Variants in SCAMP4 observed in about 807,000 individuals in gnomAD.
SCAMP4 encodes secretory carrier-associated membrane protein 4.
SCAMP4 carries 19 observed loss-of-function variants against 32.1 expected under a neutral mutation model. That is an observed-to-expected ratio of 0.59 (90% confidence interval 0.41 to 0.87). The LOEUF (loss-of-function observed/expected upper bound fraction) is 0.87, where lower values mean the gene tolerates loss of function less well. Among genes scored for constraint, SCAMP4 ranks in the 40% least tolerant of loss-of-function variants. The pLI is 0.00. For synonymous variants in SCAMP4, 152 were observed against 132.7 expected (o/e 1.15, Z -1.00); for missense variants, 302 against 309.0 (o/e 0.98, Z 0.17).
chr19:1,908,381 C>T lies in SCAMP4; in HGVS notation c.-42+2942C>T, dbSNP rs940992299. 4 of 406,878 alleles carry T rather than the reference C, an allele frequency of 9.8e-6. No individual in the cohort carries two copies. Among genetic ancestry groups the T allele is most frequent in the Non-Finnish European group, 2.0e-5 (4 of 196,242 alleles). 25.2% of individuals were successfully genotyped at this position (406,878 alleles called of 1,614,324 possible). A position where few individuals can be genotyped will look rare whatever the true frequency, so the allele number is the denominator to read the frequency against. ...GTTCCACTGGCTGCTGGTCCCCCAT[C>T]TGTGGGGCGCCCCGGCGGCTGAGGC... On this transcript the variant is annotated intron_variant, in intron 1 of 6. Coordinates refer to ENST00000316097, the MANE Select transcript of SCAMP4 (RefSeq NM_079834.4). The surrounding 1 kb of genome is among the most constrained non-coding windows in gnomAD (Gnocchi z 4.2).
chr19:1,915,267 C>T (rs747455442), intron 2 of SCAMP4, among the ~76,000 whole-genome samples: 15 of 152,204 alleles, frequency 9.9e-5, no homozygotes, highest in African/African-American at 3.1e-4. Context: ...ACAGCCCAGC[C>T]GGGTGCCCCT....
At chr19:1,915,188 G>A (rs1485858281) in intron 2 of SCAMP4, among the ~76,000 whole-genome samples, 162 bp downstream of exon 2, 4 of 152,196 alleles carry the variant, frequency 2.6e-5, no homozygotes, top group Non-Finnish European at 2.9e-5. Flanking sequence ...CTGGAGTCAC[G>A]CCTCTGCTGG....
intron 1 of SCAMP4, chr19:1,906,375 A>G (rs1847391590): frequency 6.6e-6 from 1 of 152,082 alleles, no homozygotes; most frequent in Non-Finnish European, 1.5e-5. Flanking sequence ...AAAAGAAAAA[A>G]AGATTTTTTT....
Position 1,905,415 on chromosome 19 carries a change from C to T in SCAMP4, c.-66C>T. ...CCGGTTGCTAAGACTTGGCGAAGCGCTGCGCTCGCGCCCGGATCCCTCAGG... is the reference window on the plus strand; with the variant it reads ...CCGGTTGCTAAGACTTGGCGAAGCGTTGCGCTCGCGCCCGGATCCCTCAGG... On this transcript the variant is annotated 5_prime_UTR_variant, in exon 1 of 7. Transcript: ENST00000316097. 1 of 463,732 alleles carries T rather than the reference C, an allele frequency of 2.2e-6. No homozygotes were observed. The highest frequency in any genetic ancestry group is 1.6e-5 in the South Asian group (1 of 63,238). 28.7% of individuals were successfully genotyped at this position (463,732 alleles called of 1,614,324 possible). A position where few individuals can be genotyped will look rare whatever the true frequency, so the allele number is the denominator to read the frequency against.
intron 5 of SCAMP4, chr19:1,921,456 C>G: frequency 1.0e-6 from 1 of 985,394 alleles, no homozygotes; most frequent in Non-Finnish European, 1.2e-6. Context: ...AGCAGGGGCC[C>G]CCGGTGGGCC....
rs1440006089 is a variant in SCAMP4, at chr19:1,922,298, C to T, written c.396-772C>T. ...ATTTTGAGACAGAATCTTGCTCTGTCCCCCAGGCTGGAGAGCAACGGCACG... is the reference window on the plus strand; with the variant it reads ...ATTTTGAGACAGAATCTTGCTCTGTTCCCCAGGCTGGAGAGCAACGGCACG... On this transcript the variant is annotated intron_variant, in intron 5 of 6. Coordinates refer to ENST00000316097, the MANE Select transcript of SCAMP4 (RefSeq NM_079834.4). 5.2e-6 allele frequency: 5 copies of T among 970,434 alleles called. No homozygotes were observed. The South Asian group carries it at 2.4e-4, about 46-fold the overall frequency. The allele number at this position is 970,434 out of a possible 1,614,324, so 60.1% of individuals were successfully genotyped here. A position where few individuals can be genotyped will look rare whatever the true frequency, so the allele number is the denominator to read the frequency against.
chr19:1,918,884 C>G lies in SCAMP4; in HGVS notation c.294-5C>G. On this transcript the variant is annotated splice_region_variant and splice_polypyrimidine_tract_variant and intron_variant, in intron 4 of 6. Coordinates refer to ENST00000316097, the MANE Select transcript of SCAMP4 (RefSeq NM_079834.4). ...GTAACCGTCGTGTTTTCTGTCCCTC[C>G]CCAGAGCCGACAGCTCCTTTAATTT... 6.2e-7 allele frequency: 1 copy of G among 1,600,780 alleles called. No individual in the cohort carries two copies. Among genetic ancestry groups the G allele is most frequent in the Non-Finnish European group, 8.5e-7 (1 of 1,173,688 alleles).
chr19:1,912,225 C>G, intron 1 of SCAMP4: 2 of 1,595,306 alleles, frequency 1.3e-6, no homozygotes, highest in Non-Finnish European at 1.7e-6. Flanking sequence ...GGAGCTGGTG[C>G]TGGCCTACGC....
intron 5 of SCAMP4, 186 bp downstream of exon 5, chr19:1,919,176 C>G: frequency 7.0e-7 from 1 of 1,428,870 alleles, no homozygotes. Context: ...CTCGCCAGCA[C>G]CCAGCCATGG....
intron 5 of SCAMP4, 62 bp downstream of exon 5, chr19:1,919,052 T>C: frequency 1.9e-6 from 3 of 1,559,818 alleles, no homozygotes; most frequent in Non-Finnish European, 2.6e-6. Flanking sequence ...GTTGTGGGCC[T>C]GCTGGGAAGC....
chr19:1,921,651 A>G (rs2013924404), intron 5 of SCAMP4: 1 of 985,272 alleles, frequency 1.0e-6, no homozygotes, highest in Admixed American at 6.1e-5. Context: ...TCATAAATCT[A>G]AAATTACATC....
In SCAMP4 at chr19:1,915,040, G is replaced by C. The variant is rs762590606; in HGVS notation, c.7+14G>C. ...CAGAGATGTCAGGTGAGTCCTGCCT[G>C]CCTGGGAGCCTCCAGCAGCGTGGGC... On this transcript the variant is annotated intron_variant, in intron 2 of 6. Transcript: ENST00000316097. The C allele has an allele frequency of 5.6e-6, 9 of 1,613,812 alleles. No individual in the cohort carries two copies. The highest frequency in any genetic ancestry group is 7.6e-6 in the Non-Finnish European group (9 of 1,179,812).
chr19:1,924,397 T>G lies in SCAMP4; in HGVS notation c.*113T>G. ...GGCCCCATCCCCCCAGCTGGGATGG[T>G]GGAAGCCGGTGGTGGCCACGGACCG... On this transcript the variant is annotated 3_prime_UTR_variant, in exon 7 of 7. Coordinates refer to ENST00000316097, the MANE Select transcript of SCAMP4 (RefSeq NM_079834.4). 2.2e-6 allele frequency: 2 copies of G among 921,096 alleles called. No individual in the cohort carries two copies. Among genetic ancestry groups the G allele is most frequent in the Non-Finnish European group, 3.3e-6 (2 of 611,896 alleles). The allele number at this position is 921,096 out of a possible 1,614,324, so 57.1% of individuals were successfully genotyped here.
At chr19:1,912,609 G>T (rs2013528895) in intron 1 of SCAMP4, 1 of 1,476,916 alleles carries the variant, frequency 6.8e-7, no homozygotes, top group Admixed American at 2.4e-5. Flanking sequence ...GGAGCGCGCC[G>T]CCATGCAGAG....
intron 1 of SCAMP4, among the ~76,000 whole-genome samples, chr19:1,914,238 T>C (rs999148866): frequency 4.6e-5 from 7 of 152,144 alleles, no homozygotes; most frequent in African/African-American, 1.7e-4. Context: ...GAAGATGTCC[T>C]GTCCCAAGAG....
rs200769074 is a variant in SCAMP4 at position 1,924,169 on chromosome 19, C to T, written c.575C>T (p.Thr192Met). The T allele has an allele frequency of 8.9e-5, 144 of 1,611,882 alleles. No individual in the cohort carries two copies. The African/African-American group carries it at 1.1e-3, about 13-fold the overall frequency. Reference sequence around the variant, plus strand: ...CAGAAGGCACAGACGGAGTGGAACACGGGCACTTGGCGGAACCCACCGTCG... The same window carrying T: ...CAGAAGGCACAGACGGAGTGGAACATGGGCACTTGGCGGAACCCACCGTCG... ...SFQKAQTEWN[T>M]GTWRNPPSRE... The change falls in exon 7 of 7, where the codon ACG becomes ATG. Residue 192 changes from threonine (T) to methionine (M), a missense_variant. Transcript: ENST00000316097.
chr19:1,913,001 C>A, intron 1 of SCAMP4: 1 of 1,608,088 alleles, frequency 6.2e-7, no homozygotes, highest in East Asian at 2.2e-5. Context: ...TGCACGCACG[C>A]ATCCTGCGCG....
intron 1 of SCAMP4, chr19:1,912,710 C>A: frequency 6.6e-7 from 1 of 1,508,364 alleles, no homozygotes; most frequent in Admixed American, 2.1e-5. Flanking sequence ...CGGCCTCGGA[C>A]CGCGTGCTGG....
At chr19:1,915,085 T>C in intron 2 of SCAMP4, 59 bp downstream of exon 2, 1 of 1,606,430 alleles carries the variant, frequency 6.2e-7, no homozygotes, top group Non-Finnish European at 8.5e-7. Context: ...ATGCCAGCAG[T>C]TCCCACAGGA....
Sources: allele counts gnomAD v4.1 joint callset (sites outside exome capture counted in the v4.1 genomes callset), GRCh38; gene constraint gnomAD v4.1.1; non-coding constraint Gnocchi (gnomAD v3.1); transcripts MANE v1.5; gene names NCBI Gene and HGNC (gene_info 2026-07-23, HGNC 2026-07-21).